CHRND: variants seen among roughly 807,000 people sequenced by gnomAD.
CHRND encodes the protein cholinergic receptor nicotinic delta subunit, also known as acetylcholine receptor subunit delta.
In CHRND, 40 loss-of-function variants were observed where a neutral mutation model predicts 57.8. That is an observed-to-expected ratio of 0.69 (90% confidence interval 0.54 to 0.90). The LOEUF (loss-of-function observed/expected upper bound fraction) is 0.90. Among genes scored for constraint, CHRND ranks in the 40% least tolerant of loss-of-function variants. CHRND has a pLI of 0.00. For missense variants in CHRND, 634 were observed against 673.9 expected (o/e 0.94, Z 0.66); for synonymous variants, 237 against 270.6 (o/e 0.88, Z 1.22).
chr2:232,528,167 C>A, intron 3 of CHRND, 95 bp from the exon 4 acceptor site: 1 of 1,197,976 alleles, frequency 8.3e-7, no homozygotes, highest in Non-Finnish European at 1.2e-6. Context: ...TGTCACAGCT[C>A]TCAGACCCTG....
chr2:232,526,245 G>A lies in CHRND; in HGVS notation c.30G>A (p.Leu10=). Residue 10 remains leucine (L), a synonymous_variant, in exon 1 of 12, where the codon CTG becomes CTA. Coordinates refer to ENST00000258385, the MANE Select transcript of CHRND (RefSeq NM_000751.3). MEGPVLTLG[L]LAALAVCGSW... The stretch of plus-strand genomic sequence containing the variant: ...AGGGGCCAGTGCTGACACTGGGGCT[G>A]CTGGCTGCCCTGGCGGTGTGTGGTA... The A allele has an allele frequency of 6.2e-7, 1 of 1,613,368 alleles. No individual in the cohort carries two copies. The highest frequency in any genetic ancestry group is 1.3e-5 in the African/African-American group (1 of 75,024).
intron 2 of CHRND, 91 bp from the exon 3 acceptor site, chr2:232,527,310 A>AAAGAGAGAG (rs113930536): frequency 8.4e-5 from 77 of 914,214 alleles, no homozygotes; most frequent in Non-Finnish European, 6.7e-5. Flanking sequence ...TGGAAAAAAA[A>AAAGAGAGAG]AGAGAGAGAG....
rs748665935 is a variant in CHRND, at chr2:232,528,556, G to A, written c.409G>A (p.Gly137Ser). The A allele has an allele frequency of 1.1e-4, 173 of 1,613,882 alleles. No homozygotes were observed. Among genetic ancestry groups the A allele is most frequent in the Middle Eastern group, 1.6e-4 (1 of 6,084 alleles). Residue 137 changes from glycine (G) to serine (S), a missense_variant, in exon 5 of 12, where the codon GGC becomes AGC. Transcript: ENST00000258385. ...CTGCAACGTGCTTGTCTACCACTAC[G>A]GCTTCGTGTACTGGCTGCCACCTGC... ...YSCNVLVYHY[G>S]FVYWLPPAIF...
rs767201456 is a variant in CHRND, at chr2:232,528,610, G to A, written c.463G>A (p.Val155Ile). 3.7e-6 allele frequency: 6 copies of A among 1,614,094 alleles called. No individual in the cohort carries two copies. In the Admixed American group the frequency reaches 5.0e-5, roughly 13 times the overall value. Residue 155 changes from valine to isoleucine, a missense_variant, in exon 5 of 12, where the codon GTC becomes ATC. Transcript: ENST00000258385. Reference protein sequence around the residue: ...AIFRSSCPISVTYFPFDWQNC... With the variant: ...AIFRSSCPISITYFPFDWQNC... ...CTTCCGCTCCTCCTGCCCCATCTCT[G>A]TCACCTATTTCCCCTTCGACTGGCA...
intron 2 of CHRND, among the ~76,000 whole-genome samples, chr2:232,526,967 G>A (rs572089922): frequency 6.6e-6 from 1 of 152,330 alleles, no homozygotes; most frequent in Admixed American, 6.5e-5. Context: ...AGTGATCAGG[G>A]CCCAGATGCC....
In CHRND at chr2:232,527,311, AGAG is replaced by A. The variant is rs1315900294; in HGVS notation, c.199-89_199-87del. 3.0e-5 allele frequency: 20 copies of A among 661,544 alleles called. No individual in the cohort carries two copies. The East Asian group carries it at 4.3e-4, about 14-fold the overall frequency. The allele number at this position is 661,544 out of a possible 1,614,324, so 41.0% of individuals were successfully genotyped here. ...ATTGAGCAAGACCCTGGAAAAAAAA[AGAG>A]AGAGAGAGAGAGAGAGAGAGTGGGT... On this transcript the variant is annotated intron_variant, in intron 2 of 11. Coordinates refer to ENST00000258385, the MANE Select transcript of CHRND (RefSeq NM_000751.3).
At position 232,533,979 on chromosome 2, in the gene CHRND, G is replaced by A. The variant is rs771994445; in HGVS notation, c.1096G>A (p.Glu366Lys). Residue 366 changes from glutamate to lysine, a missense_variant, in exon 10 of 12, where the codon GAG becomes AAG. Physicochemically the swap from Glu to Lys is moderately conservative, Grantham distance 56. Coordinates refer to ENST00000258385, the MANE Select transcript of CHRND (RefSeq NM_000751.3). ...GCTCCTGCACATGTCCCGCCCAGCA[G>A]AGGATGGACCCAGCCCTGGGGCCCT... is the stretch of plus-strand genomic sequence containing the variant. ...PELLHMSRPA[E>K]DGPSPGALVR... 1 of 1,613,778 alleles carries A rather than the reference G, an allele frequency of 6.2e-7. No individual in the cohort carries two copies. The highest frequency in any genetic ancestry group is 8.5e-7 in the Non-Finnish European group (1 of 1,180,020).
At chr2:232,531,837 G>A (rs1183706244) in intron 9 of CHRND, among the ~76,000 whole-genome samples, 181 bp downstream of exon 9, 2 of 149,188 alleles carry the variant, frequency 1.3e-5, no homozygotes, top group African/African-American at 2.5e-5. Context: ...TGTATTCCCA[G>A]CTACTCAAGA....
intron 1 of CHRND, 114 bp downstream of exon 1, chr2:232,526,381 GC>G: frequency 6.6e-7 from 1 of 1,505,962 alleles, no homozygotes; most frequent in Non-Finnish European, 9.1e-7. Flanking sequence ...CCTGTGGGGG[GC>G]CGCCTTCTGG....
intron 4 of CHRND, 29 bp downstream of exon 4, chr2:232,528,400 T>C (rs1691561258): frequency 1.2e-6 from 2 of 1,613,374 alleles, no homozygotes; most frequent in Admixed American, 1.7e-5. Context: ...TGACCTCCCC[T>C]CTGTCACCCT....
intron 2 of CHRND, among the ~76,000 whole-genome samples, 184 bp downstream of exon 2, chr2:232,526,858 G>T (rs1175500139): frequency 6.6e-6 from 1 of 152,204 alleles, no homozygotes; most frequent in Non-Finnish European, 1.5e-5. Flanking sequence ...CAGCTCTGCG[G>T]TGTCCCCCAA....
intron 1 of CHRND, 91 bp downstream of exon 1, chr2:232,526,358 T>A: frequency 6.6e-7 from 1 of 1,522,814 alleles, no homozygotes; most frequent in Non-Finnish European, 9.0e-7. Context: ...CCACTCCCAC[T>A]CTGCCATCTC....
At chr2:232,526,742 T>G in intron 2 of CHRND, 68 bp downstream of exon 2, 1 of 1,557,558 alleles carries the variant, frequency 6.4e-7, no homozygotes, top group Non-Finnish European at 8.8e-7. Context: ...AGGATAGCCA[T>G]GGAGGAAGCT....
intron 3 of CHRND, 92 bp downstream of exon 3, chr2:232,527,537 G>A (rs913662754): frequency 4.3e-6 from 4 of 939,002 alleles, no homozygotes; most frequent in Middle Eastern, 3.0e-4. Context: ...GAGGTCAGGA[G>A]ATCAAGACCA....
rs1276180287 is a variant in CHRND, at chr2:232,529,990, C to A, written c.671C>A (p.Pro224His). 2 of 1,614,134 alleles carry A rather than the reference C, an allele frequency of 1.2e-6. No individual in the cohort carries two copies. The highest frequency in any genetic ancestry group is 2.7e-5 in the African/African-American group (2 of 75,030). The change falls in exon 7 of 12, where the codon CCC becomes CAC. Residue 224 changes from proline to histidine, a missense_variant. By Grantham distance (77) the Pro-to-His change is moderately conservative. Coordinates refer to ENST00000258385, the MANE Select transcript of CHRND (RefSeq NM_000751.3). Reference protein sequence around the residue: ...VHRPARVNVDPRAPLDSPSRQ... With the variant: ...VHRPARVNVDHRAPLDSPSRQ... ...CGGCCGGCCAGGGTCAACGTGGACC[C>A]CAGAGCCCCTCTGGACAGCCCCAGC... is the stretch of plus-strand genomic sequence containing the variant.
intron 11 of CHRND, 43 bp from the exon 12 acceptor site, chr2:232,535,087 C>T (rs199753317): frequency 2.5e-6 from 4 of 1,609,056 alleles, no homozygotes; most frequent in Non-Finnish European, 2.5e-6. Flanking sequence ...GGCTTTGTGG[C>T]CTGAGGCCCT....
rs1414255680 is a variant in CHRND, at chr2:232,531,438, TC to T, written c.909del (p.Met304TrpfsTer22). On this transcript the variant is annotated frameshift_variant, in exon 8 of 12. Coordinates refer to ENST00000258385, the MANE Select transcript of CHRND (RefSeq NM_000751.3). LOFTEE classifies it high-confidence loss of function. ...CATCTCCAAGCGTCTGCCTGCCACA[TC>T]CATGGCCATCCCCCTTATCGGCAAG... ...LLISKRLPAT[S>X]MAIPLIGKFL... The T allele has an allele frequency of 6.2e-7, 1 of 1,613,710 alleles. No individual in the cohort carries two copies. Among genetic ancestry groups the T allele is most frequent in the Non-Finnish European group, 8.5e-7 (1 of 1,179,938 alleles).
In CHRND at chr2:232,530,102, C is replaced by T. The variant is rs773307092; in HGVS notation, c.783C>T (p.Ser261=). The stretch of plus-strand genomic sequence containing the variant: ...TCCTGGTGCCCTGCGTGCTCATCTC[C>T]TTCATGGTCAACCTGGTCTTCTACC... ...INILVPCVLI[S]FMVNLVFYLP... is the part of the protein sequence containing the mutation. The change falls in exon 7 of 12, where the codon TCC becomes TCT. Residue 261 remains serine, a synonymous_variant. Coordinates refer to ENST00000258385, the MANE Select transcript of CHRND (RefSeq NM_000751.3). The T allele has an allele frequency of 1.2e-6, 2 of 1,614,206 alleles. No individual in the cohort carries two copies. Among genetic ancestry groups the T allele is most frequent in the Admixed American group, 3.3e-5 (2 of 60,028 alleles).
intron 2 of CHRND, among the ~76,000 whole-genome samples, chr2:232,527,078 C>T (rs1299545116): frequency 6.6e-6 from 1 of 152,074 alleles, no homozygotes. Context: ...GTGGGTGGAT[C>T]ACCTGAGGTC....
Sources: gnomAD v4.1 joint callset for allele counts (sites outside exome capture counted in the v4.1 genomes callset) on GRCh38, gnomAD v4.1.1 for gene constraint, MANE v1.5 for transcripts, NCBI Gene and HGNC (gene_info 2026-07-23, HGNC 2026-07-21) for gene names.